The following TUBGCP4 variants were observed in gnomAD, a reference collection of about 807,000 sequenced individuals.
The protein encoded by TUBGCP4 is gamma-tubulin complex component 4.
TUBGCP4 carries 54 observed loss-of-function variants against 91.6 expected under a neutral mutation model. The observed-to-expected ratio is 0.59, with a 90% CI of 0.47 to 0.74. The LOEUF is 0.74. Ranked by LOEUF, TUBGCP4 falls within the 30% of genes least tolerant of loss-of-function variation. The probability of loss-of-function intolerance (pLI) is 0.00; values close to 1 mark genes in which losing one functional copy is unlikely to be tolerated. For synonymous variants in TUBGCP4, 297 were observed against 302.8 expected (o/e 0.98, Z 0.20); for missense variants, 593 against 800.9 (o/e 0.74, Z 3.13).
rs918497765 is a variant in TUBGCP4 at position 43,376,578 on chromosome 15, T to C, written c.283T>C (p.Ser95Pro). The change falls in exon 3 of 18, where the codon TCT becomes CCT. Residue 95 changes from serine to proline, a missense_variant. Ser to Pro is a moderately conservative substitution (Grantham distance 74). Coordinates refer to ENST00000564079, the MANE Select transcript of TUBGCP4 (RefSeq NM_014444.5). ...YLRAFCTGLD[S>P]VLQPYRQALL... ...GCGGGCCTTCTGCACAGGGCTGGAT[T>C]CTGTTTTGCAGCCTTATCGCCAAGC... 1.2e-6 allele frequency: 2 copies of C among 1,614,102 alleles called. No individual in the cohort carries two copies. The highest frequency in any genetic ancestry group is 2.7e-5 in the African/African-American group (2 of 74,932).
chr15:43,403,675 C>G lies in TUBGCP4; in HGVS notation c.1732-8C>G. ...CCTTTCCTAATGCCAACTCTGTTTC[C>G]CGGGTAGGTGTTTCACTGCCTGAAT... is the stretch of plus-strand genomic sequence containing the variant. On this transcript the variant is annotated splice_region_variant and splice_polypyrimidine_tract_variant and intron_variant, in intron 15 of 17. Transcript: ENST00000564079. The G allele has an allele frequency of 6.2e-7, 1 of 1,603,650 alleles. No homozygotes were observed. Among genetic ancestry groups the G allele is most frequent in the Non-Finnish European group, 8.5e-7 (1 of 1,172,622 alleles).
chr15:43,404,911 G>A, intron 17 of TUBGCP4: 2 of 503,670 alleles, frequency 4.0e-6, no homozygotes, highest in Non-Finnish European at 7.0e-6. Flanking sequence ...TGTGAAAGGA[G>A]GCGACCACCC....
Position 43,381,238 on chromosome 15 carries a change from A to T in TUBGCP4, c.521+1075A>T, listed in dbSNP as rs184130947. Among the ~76,000 whole-genome samples the T allele has an allele frequency of 7.7e-4, 117 of 152,350 alleles. 1 individual carries two copies. Among genetic ancestry groups the T allele is most frequent in the African/African-American group, 2.7e-3 (113 of 41,592 alleles). The stretch of plus-strand genomic sequence containing the variant: ...CTAATGTAGATGATACTATATATAC[A>T]TGTTTGTTCTGTGTTTGCAGGGACC... On this transcript the variant is annotated intron_variant, in intron 6 of 17. Coordinates refer to ENST00000564079, the MANE Select transcript of TUBGCP4 (RefSeq NM_014444.5).
intron 9 of TUBGCP4, among the ~76,000 whole-genome samples, chr15:43,392,716 C>A (rs2584702): frequency 0.28 from 42,070 of 151,882 alleles, 9,600 homozygotes; most frequent in African/African-American, 0.62. Context: ...GCTGGCTGAT[C>A]CCGAACTGCT....
chr15:43,384,537 G>A (rs1174247553), intron 7 of TUBGCP4, among the ~76,000 whole-genome samples: 2 of 152,156 alleles, frequency 1.3e-5, no homozygotes, highest in Admixed American at 1.3e-4. Flanking sequence ...TGGTTCATTT[G>A]GGGAAACAGT....
chr15:43,393,068 T>A (rs1023331281), intron 9 of TUBGCP4, among the ~76,000 whole-genome samples: 2 of 152,218 alleles, frequency 1.3e-5, no homozygotes, highest in African/African-American at 4.8e-5. Flanking sequence ...CAGGCTTCTT[T>A]TACTCAGCAT....
intron 8 of TUBGCP4, 81 bp from the exon 9 acceptor site, chr15:43,386,125 C>T (rs2044353776): frequency 6.5e-7 from 1 of 1,543,486 alleles, no homozygotes; most frequent in Non-Finnish European, 8.7e-7. Flanking sequence ...TGCTGCCCCA[C>T]TGAGATTAGC....
rs1410514865 is a variant in TUBGCP4, at chr15:43,403,669, T to C, written c.1732-14T>C. 3 of 1,593,900 alleles carry C rather than the reference T, an allele frequency of 1.9e-6. No homozygotes were observed. The highest frequency in any genetic ancestry group is 1.3e-5 in the African/African-American group (1 of 74,478). On this transcript the variant is annotated splice_polypyrimidine_tract_variant and intron_variant, in intron 15 of 17. Transcript: ENST00000564079. ...TTCCTTCCTTTCCTAATGCCAACTC[T>C]GTTTCCCGGGTAGGTGTTTCACTGC...
chr15:43,373,031 CAG>C (rs1424204195), intron 1 of TUBGCP4, among the ~76,000 whole-genome samples: 2 of 152,182 alleles, frequency 1.3e-5, no homozygotes, highest in Non-Finnish European at 2.9e-5. Flanking sequence ...ATAATTTCTG[CAG>C]AGCAGTGTCT....
rs929869451 is a variant in TUBGCP4 at position 43,409,357 on chromosome 15, G to C, written c.*4143G>C. 1.1e-4 allele frequency: 63 copies of C among 572,732 alleles called. No homozygotes were observed. The highest frequency in any genetic ancestry group is 1.6e-4 in the Non-Finnish European group (50 of 321,976). 35.5% of individuals were successfully genotyped at this position (572,732 alleles called of 1,614,324 possible). A position where few individuals can be genotyped will look rare whatever the true frequency, so the allele number is the denominator to read the frequency against. ...CAAAACCTATGAACTCAGCCTTTCA[G>C]GCTAAAAATCAGCAACCCTAATAGG... is the stretch of plus-strand genomic sequence containing the variant. On this transcript the variant is annotated 3_prime_UTR_variant, in exon 18 of 18. Transcript: ENST00000564079.
At chr15:43,375,442 G>T (rs1235597188) in intron 1 of TUBGCP4, among the ~76,000 whole-genome samples, 2 of 152,140 alleles carry the variant, frequency 1.3e-5, no homozygotes, top group African/African-American at 4.8e-5. Flanking sequence ...TTAAAAAGTT[G>T]GTTGAAGGAA....
chr15:43,405,483 A>G lies in TUBGCP4; in HGVS notation c.*269A>G, dbSNP rs923969406. 5.6e-6 allele frequency: 3 copies of G among 532,928 alleles called. No homozygotes were observed. The highest frequency in any genetic ancestry group is 4.8e-5 in the South Asian group (2 of 41,404). 33.0% of individuals were successfully genotyped at this position (532,928 alleles called of 1,614,324 possible). On this transcript the variant is annotated 3_prime_UTR_variant, in exon 18 of 18. Transcript: ENST00000564079. Reference sequence around the variant, plus strand: ...TTTGTTGGATATGTTCATTTATTCAATAGTCATTTATTGAGCACCTACTAC... The same window carrying G: ...TTTGTTGGATATGTTCATTTATTCAGTAGTCATTTATTGAGCACCTACTAC...
intron 9 of TUBGCP4, among the ~76,000 whole-genome samples, chr15:43,388,926 T>C (rs1317656066): frequency 1.3e-5 from 2 of 152,186 alleles, no homozygotes; most frequent in African/African-American, 4.8e-5. Context: ...TTCTTTAAAG[T>C]GTGTATACTA....
rs1252559519 is a variant in TUBGCP4 at position 43,406,632 on chromosome 15, A to G, written c.*1418A>G. On this transcript the variant is annotated 3_prime_UTR_variant, in exon 18 of 18. Transcript: ENST00000564079. ...ACCTTGTTGACCCCTGCTTTAGAGAATGAGAAGCCATGCAGGGATCAGTGA... is the reference window on the plus strand; with the variant it reads ...ACCTTGTTGACCCCTGCTTTAGAGAGTGAGAAGCCATGCAGGGATCAGTGA... 1 of 456,046 alleles carries G rather than the reference A, an allele frequency of 2.2e-6. No homozygotes were observed. The highest frequency in any genetic ancestry group is 2.0e-5 in the African/African-American group (1 of 50,190). The allele number at this position is 456,046 out of a possible 1,614,324, so 28.2% of individuals were successfully genotyped here.
At chr15:43,380,026 G>A (rs1240258272) in intron 5 of TUBGCP4, 58 bp from the exon 6 acceptor site, 1 of 1,521,744 alleles carries the variant, frequency 6.6e-7, no homozygotes, top group Non-Finnish European at 9.1e-7. Flanking sequence ...GAATAAGAAT[G>A]TGTCTTGCAT....
In TUBGCP4 at chr15:43,377,045, A is replaced by G. The variant is rs781252083; in HGVS notation, c.362A>G (p.His121Arg). The G allele has an allele frequency of 9.3e-6, 15 of 1,613,912 alleles. No homozygotes were observed. Among genetic ancestry groups the G allele is most frequent in the African/African-American group, 5.3e-5 (4 of 74,940 alleles). ...FLGDPHLSIS[H>R]VNYFLDQFQL... ...GGTGATCCCCATCTCTCCATATCAC[A>G]TGTCAACTACTTCCTAGACCAGGTA... Residue 121 changes from histidine to arginine, a missense_variant, in exon 4 of 18, where the codon CAT becomes CGT. Physicochemically the swap from His to Arg is conservative, Grantham distance 29. Coordinates refer to ENST00000564079, the MANE Select transcript of TUBGCP4 (RefSeq NM_014444.5).
At chr15:43,387,737 T>C (rs1453187156) in intron 9 of TUBGCP4, among the ~76,000 whole-genome samples, 6 of 151,390 alleles carry the variant, frequency 4.0e-5, no homozygotes, top group Non-Finnish European at 5.9e-5. Context: ...CCTGGGATTA[T>C]AGATGTGAGC....
chr15:43,400,464 C>A (rs1265434976), intron 14 of TUBGCP4, among the ~76,000 whole-genome samples: 1 of 152,158 alleles, frequency 6.6e-6, no homozygotes, highest in Non-Finnish European at 1.5e-5. Context: ...GTGGTACAGT[C>A]ATAGCTCACT....
intron 9 of TUBGCP4, 167 bp from the exon 10 acceptor site, chr15:43,394,940 C>A: frequency 1.4e-6 from 1 of 702,464 alleles, no homozygotes; most frequent in Admixed American, 2.2e-5. Flanking sequence ...GTATTCTTTA[C>A]AGCAGTGTGA....
Sources: allele counts gnomAD v4.1 joint callset (sites outside exome capture counted in the v4.1 genomes callset), GRCh38; gene constraint gnomAD v4.1.1; transcripts MANE v1.5; gene names NCBI Gene and HGNC (gene_info 2026-07-23, HGNC 2026-07-21).